The following AIM2 variants were observed in gnomAD, a reference collection of about 807,000 sequenced individuals.
The protein encoded by AIM2 is absent in melanoma 2, also known as interferon-inducible protein AIM2.
In AIM2, 30 loss-of-function variants were observed where a neutral mutation model predicts 27.7. The ratio of observed to expected loss-of-function variants is 1.08; its 90% CI spans 0.81 to 1.47. AIM2 has a LOEUF of 1.47. Among genes scored for constraint, AIM2 ranks in the 40% most tolerant of loss-of-function variants. AIM2 has a pLI of 0.00. For missense variants in AIM2, 358 were observed against 411.3 expected (o/e 0.87, Z 1.12); for synonymous variants, 141 against 145.3 (o/e 0.97, Z 0.21).
chr1:159,143,613 C>T (rs1648153028), upstream of AIM2, among the ~76,000 whole-genome samples: 1 of 151,310 alleles, frequency 6.6e-6, no homozygotes, highest in South Asian at 2.1e-4. Flanking sequence ...CACACACACA[C>T]ACACACACAC....
At chr1:159,077,547 T>C (rs1198648608), upstream of AIM2, among the ~76,000 whole-genome samples, 1 of 152,240 alleles carries the variant, frequency 6.6e-6, no homozygotes, top group Admixed American at 6.5e-5. Flanking sequence ...TGTGCCTAAG[T>C]AGGAAGTTTG....
chr1:159,107,638 T>C (rs977829781), intron 1 of AIM2, among the ~76,000 whole-genome samples: 1 of 152,076 alleles, frequency 6.6e-6, no homozygotes, highest in Non-Finnish European at 1.5e-5. Flanking sequence ...TTTGAAAAGA[T>C]AAATAAAATT....
In AIM2 at chr1:159,073,287, C is replaced by A. The variant is rs1234580466; in HGVS notation, c.213G>T (p.Lys71Asn). Residue 71 changes from lysine to asparagine, a missense_variant, in exon 2 of 6, where the codon AAG (lysine) becomes AAT (asparagine). Transcript: ENST00000368130. Reference protein sequence around the residue: ...AVMKTIRIFQKLNYMLLAKRL... With the variant: ...AVMKTIRIFQNLNYMLLAKRL... ...GTTTTGCCAAAAGCATATAATTCAA[C>A]TTCTGAAAAATACGAATGGTCTTCA... The A allele has an allele frequency of 6.2e-7, 1 of 1,614,222 alleles. No homozygotes were observed. The highest frequency in any genetic ancestry group is 8.5e-7 in the Non-Finnish European group (1 of 1,180,032).
upstream of AIM2, among the ~76,000 whole-genome samples, chr1:159,142,699 A>T (rs1025153492): frequency 6.6e-6 from 1 of 152,200 alleles, no homozygotes; most frequent in Admixed American, 6.5e-5. Context: ...CAGATCCAAG[A>T]AAATGATTTC....
chr1:159,069,162 A>G (rs1280188273), intron 2 of AIM2, among the ~76,000 whole-genome samples: 1 of 151,954 alleles, frequency 6.6e-6, no homozygotes. Context: ...AAAAAAGACA[A>G]GAAACAAAAA....
rs528302142 is a variant in AIM2, at chr1:159,128,644, CT to C, written c.-16+11786del. Among the ~76,000 whole-genome samples, 172 of 152,216 alleles carry C rather than the reference CT, an allele frequency of 1.1e-3. 1 individual carries two copies. The highest frequency in any genetic ancestry group is 2.0e-3 in the Admixed American group (31 of 15,284). ...TGTCCTTCCTTCCCTCCCACACCCC[CT>C]CTTTCCAGGATCTAGATACTTTAAC... is the stretch of plus-strand genomic sequence containing the variant. On this transcript the variant is annotated intron_variant, in intron 1 of 2. Transcript: ENST00000368129.
Position 159,120,997 on chromosome 1 carries a change from T to C in AIM2, c.-16+19434A>G, listed in dbSNP as rs1031541315. On this transcript the variant is annotated intron_variant, in intron 1 of 2. Transcript: ENST00000368129. Reference sequence around the variant, plus strand: ...TGGTAAGTCCTATGATTGTTTCTATTTTACCAATGAAGAAACTGAGGTAGA... The same window carrying C: ...TGGTAAGTCCTATGATTGTTTCTATCTTACCAATGAAGAAACTGAGGTAGA... Among the ~76,000 whole-genome samples, 6 of 152,300 alleles carry C rather than the reference T, an allele frequency of 3.9e-5. 1 individual carries two copies. Among genetic ancestry groups the C allele is most frequent in the Middle Eastern group, 6.8e-3 (2 of 294 alleles).
At chr1:159,138,890 C>G (rs1648060351) in intron 1 of AIM2, among the ~76,000 whole-genome samples, 1 of 152,142 alleles carries the variant, frequency 6.6e-6, no homozygotes, top group Non-Finnish European at 1.5e-5. Context: ...TATTTGAGTC[C>G]TACAGTGAAG....
At chr1:159,145,354 C>T (rs1648183073), upstream of AIM2, among the ~76,000 whole-genome samples, 1 of 152,178 alleles carries the variant, frequency 6.6e-6, no homozygotes, top group Non-Finnish European at 1.5e-5. Flanking sequence ...TCTGACCCAT[C>T]ATAATAAAGC....
At chr1:159,065,710 G>A (rs1218310890) in intron 4 of AIM2, among the ~76,000 whole-genome samples, 200 bp downstream of exon 4, 3 of 152,174 alleles carry the variant, frequency 2.0e-5, no homozygotes, top group Non-Finnish European at 4.4e-5. Flanking sequence ...AAATAGGATC[G>A]TGACATTTTT....
At chr1:159,096,533 A>G (rs1657185457) in intron 1 of AIM2, among the ~76,000 whole-genome samples, 1 of 152,140 alleles carries the variant, frequency 6.6e-6, no homozygotes, top group Non-Finnish European at 1.5e-5. Context: ...TTGGTGCTCT[A>G]TATATCCACG....
chr1:159,109,757 G>A (rs553552859), intron 1 of AIM2, among the ~76,000 whole-genome samples: 2 of 152,114 alleles, frequency 1.3e-5, no homozygotes, highest in East Asian at 3.9e-4. Context: ...GATATGAATA[G>A]ACAATTCTCA....
intron 1 of AIM2, among the ~76,000 whole-genome samples, chr1:159,076,263 G>T (rs571423069): frequency 1.6e-4 from 24 of 152,248 alleles, no homozygotes; most frequent in Non-Finnish European, 3.2e-4. Context: ...CATTTTATGT[G>T]ATTGACTCAG....
chr1:159,085,560 A>C (rs1656889040), intron 1 of AIM2, among the ~76,000 whole-genome samples: 1 of 152,156 alleles, frequency 6.6e-6, no homozygotes, highest in South Asian at 2.1e-4. Flanking sequence ...TGTTTAATTG[A>C]ATATATAAGC....
intron 2 of AIM2, among the ~76,000 whole-genome samples, chr1:159,069,575 C>T (rs1329525301): frequency 6.6e-6 from 1 of 150,586 alleles, no homozygotes; most frequent in African/African-American, 2.4e-5. Context: ...CGGAGTCTCA[C>T]TCCGTCACCC....
Position 159,062,589 on chromosome 1 carries a change from C to T in AIM2, c.*103G>A, listed in dbSNP as rs1431922770. On this transcript the variant is annotated 3_prime_UTR_variant, in exon 6 of 6. Transcript: ENST00000368130. The stretch of plus-strand genomic sequence containing the variant: ...GGTGGAGAGAGGAGCCTGTGAACTG[C>T]AGCTTTCAGGTAACTTACAATCTGA... 8.9e-7 allele frequency: 1 copy of T among 1,119,132 alleles called. No individual in the cohort carries two copies. 69.3% of individuals were successfully genotyped at this position (1,119,132 alleles called of 1,614,324 possible). A position where few individuals can be genotyped will look rare whatever the true frequency, so the allele number is the denominator to read the frequency against.
At chr1:159,078,421 A>G (rs1324636496), upstream of AIM2, among the ~76,000 whole-genome samples, 1 of 152,214 alleles carries the variant, frequency 6.6e-6, no homozygotes, top group Non-Finnish European at 1.5e-5. Context: ...AGAGAACAAT[A>G]TGTAAGAATT....
At chr1:159,105,708 G>T (rs945947680) in intron 1 of AIM2, among the ~76,000 whole-genome samples, 2 of 152,154 alleles carry the variant, frequency 1.3e-5, no homozygotes, top group African/African-American at 2.4e-5. Context: ...GACCCGAATT[G>T]GGTAGCTCCT....
At chr1:159,125,987 A>G (rs1647675055) in intron 1 of AIM2, among the ~76,000 whole-genome samples, 1 of 152,204 alleles carries the variant, frequency 6.6e-6, no homozygotes, top group Non-Finnish European at 1.5e-5. Context: ...TAGGGCCAGG[A>G]ATTCTGAGCA....
Sources: allele counts gnomAD v4.1 joint callset (sites outside exome capture counted in the v4.1 genomes callset), GRCh38; gene constraint gnomAD v4.1.1; transcripts MANE v1.5; gene names NCBI Gene and HGNC (gene_info 2026-07-23, HGNC 2026-07-21).